SYNDIG1L: variants seen among roughly 807,000 people sequenced by gnomAD.
The protein encoded by SYNDIG1L is synapse differentiation-inducing gene protein 1-like.
SYNDIG1L carries 13 observed loss-of-function variants against 20.1 expected under a neutral mutation model. The ratio of observed to expected loss-of-function variants is 0.65; its 90% CI spans 0.42 to 1.03. The LOEUF (loss-of-function observed/expected upper bound fraction) is 1.03, where lower values mean the gene tolerates loss of function less well. SYNDIG1L is among the 50% of genes least tolerant of loss of function. The pLI is 0.00. For missense variants in SYNDIG1L, 294 were observed against 305.1 expected (o/e 0.96, Z 0.27); for synonymous variants, 128 against 129.3 (o/e 0.99, Z 0.07).
the SYNDIG1L span, among the ~76,000 whole-genome samples, chr14:74,464,539 A>G: frequency 6.6e-6 from 1 of 152,082 alleles, no homozygotes; most frequent in East Asian, 1.9e-4. Context: ...GCTCTGGGAG[A>G]CTGTACTACA....
the SYNDIG1L span, among the ~76,000 whole-genome samples, chr14:74,460,676 C>T: frequency 1.3e-4 from 20 of 152,350 alleles, no homozygotes; most frequent in African/African-American, 4.8e-4. Flanking sequence ...TGCTTCGGCT[C>T]CCAGGCTGGA....
the SYNDIG1L span, among the ~76,000 whole-genome samples, chr14:74,451,126 GA>G: frequency 1.3e-5 from 2 of 151,766 alleles, no homozygotes; most frequent in African/African-American, 4.8e-5. Flanking sequence ...AAACAACTTT[GA>G]AAAAAAGGAA....
rs1001316297 is a variant in SYNDIG1L at position 74,409,506 on chromosome 14, T to C, written c.239A>G (p.Lys80Arg). Residue 80 changes from lysine (K) to arginine (R), a missense_variant, in exon 2 of 4, where the codon AAG becomes AGG. Physicochemically the swap from Lys to Arg is conservative, Grantham distance 26. Coordinates refer to ENST00000331628, the MANE Select transcript of SYNDIG1L (RefSeq NM_001105579.2). Reference protein sequence around the residue: ...PSCLLGRDKVKEPRAGSCETS... With the variant: ...PSCLLGRDKVREPRAGSCETS... ...CTCACAGCTGCCTGCCCTGGGCTCC[T>C]TGACCTTGTCTCTCCCCAGGAGGCA... 1 of 1,609,778 alleles carries C rather than the reference T, an allele frequency of 6.2e-7. No individual in the cohort carries two copies. The highest frequency in any genetic ancestry group is 8.5e-7 in the Non-Finnish European group (1 of 1,178,168).
At chr14:74,449,438 C>CAAAAAAAAAA in the SYNDIG1L span, among the ~76,000 whole-genome samples, 294 of 34,020 alleles carry the variant, frequency 8.6e-3, 85 homozygotes, top group Non-Finnish European at 0.012. Flanking sequence ...CCTGTCTTTA[C>CAAAAAAAAAA]AAAAAAAAAA....
the SYNDIG1L span, among the ~76,000 whole-genome samples, chr14:74,444,274 G>T: frequency 6.6e-6 from 1 of 151,820 alleles, no homozygotes; most frequent in Non-Finnish European, 1.5e-5. Context: ...TGGCCAGGCT[G>T]GTCTCAAACT....
At chr14:74,440,243 C>T in the SYNDIG1L span, among the ~76,000 whole-genome samples, 3 of 151,306 alleles carry the variant, frequency 2.0e-5, no homozygotes, top group African/African-American at 2.4e-5. Flanking sequence ...AGGCCGGGCG[C>T]GGTGGCTCAC....
At chr14:74,427,989 G>C (rs1015622609), upstream of SYNDIG1L, among the ~76,000 whole-genome samples, 2 of 152,242 alleles carry the variant, frequency 1.3e-5, no homozygotes, top group African/African-American at 4.8e-5. Context: ...AAAAGCCAGT[G>C]AAGCAAAAGC....
At chr14:74,418,103 G>A (rs8007552) in intron 1 of SYNDIG1L, among the ~76,000 whole-genome samples, 81,641 of 152,058 alleles carry the variant, frequency 0.54, 22,306 homozygotes, top group African/African-American at 0.65. Flanking sequence ...GCGCTAGACC[G>A]TCTTCTAATC....
the SYNDIG1L span, among the ~76,000 whole-genome samples, chr14:74,455,285 G>A: frequency 3.3e-5 from 5 of 152,098 alleles, no homozygotes; most frequent in South Asian, 2.1e-4. Context: ...GACACCTTTC[G>A]TGTCCCTGCA....
chr14:74,455,326 C>T, the SYNDIG1L span, among the ~76,000 whole-genome samples: 2 of 152,134 alleles, frequency 1.3e-5, no homozygotes, highest in Non-Finnish European at 2.9e-5. Context: ...CCTCACCTGG[C>T]TCCACTCTCG....
At chr14:74,469,058 C>T in the SYNDIG1L span, among the ~76,000 whole-genome samples, 1 of 152,038 alleles carries the variant, frequency 6.6e-6, no homozygotes, top group Admixed American at 6.6e-5. Flanking sequence ...CACACTGGCT[C>T]CCCATGGTGA....
rs2086088762 is a variant in SYNDIG1L at position 74,407,086 on chromosome 14, A to T, written c.*449T>A. Reference sequence around the variant, plus strand: ...GGGAAGCTCAGGCTGTCCCCAGGTGAAGATCCCTGTGGGCTGAAAGGATTG... The same window carrying T: ...GGGAAGCTCAGGCTGTCCCCAGGTGTAGATCCCTGTGGGCTGAAAGGATTG... On this transcript the variant is annotated 3_prime_UTR_variant, in exon 4 of 4. Coordinates refer to ENST00000331628, the MANE Select transcript of SYNDIG1L (RefSeq NM_001105579.2). 1 of 177,378 alleles carries T rather than the reference A, an allele frequency of 5.6e-6. No individual in the cohort carries two copies. The highest frequency in any genetic ancestry group is 1.2e-4 in the South Asian group (1 of 8,248). The allele number at this position is 177,378 out of a possible 1,614,324, so 11.0% of individuals were successfully genotyped here. A position where few individuals can be genotyped will look rare whatever the true frequency, so the allele number is the denominator to read the frequency against.
chr14:74,434,189 T>C, the SYNDIG1L span, among the ~76,000 whole-genome samples: 671 of 152,368 alleles, frequency 4.4e-3, 7 homozygotes, highest in African/African-American at 0.016. Context: ...CCTGTTTTTG[T>C]ATTTTCTAAC....
intron 1 of SYNDIG1L, among the ~76,000 whole-genome samples, chr14:74,415,097 G>A (rs2086164374): frequency 6.6e-6 from 1 of 152,148 alleles, no homozygotes; most frequent in Admixed American, 6.5e-5. Flanking sequence ...ACCTGTTAAG[G>A]AGGAGGGCCC....
chr14:74,417,044 T>C lies in SYNDIG1L; in HGVS notation c.-57-7243A>G, dbSNP rs548633286. Reference sequence around the variant, plus strand: ...AGCTACCATTATTGGGTGCTTGTTTTGTTCTGAACGCCATGCCAAGTGCTT... The same window carrying C: ...AGCTACCATTATTGGGTGCTTGTTTCGTTCTGAACGCCATGCCAAGTGCTT... On this transcript the variant is annotated intron_variant, in intron 1 of 3. Transcript: ENST00000331628. Among the ~76,000 whole-genome samples, 8 of 152,348 alleles carry C rather than the reference T, an allele frequency of 5.3e-5. No homozygotes were observed. The South Asian group carries it at 1.7e-3, about 32-fold the overall frequency.
At chr14:74,433,625 T>A in the SYNDIG1L span, among the ~76,000 whole-genome samples, 4 of 152,194 alleles carry the variant, frequency 2.6e-5, no homozygotes, top group African/African-American at 9.6e-5. Context: ...ACTCAGGTGA[T>A]CCGCCCACCT....
At chr14:74,414,274 G>A (rs1444076040) in intron 1 of SYNDIG1L, among the ~76,000 whole-genome samples, 7 of 152,222 alleles carry the variant, frequency 4.6e-5, no homozygotes, top group African/African-American at 9.6e-5. Context: ...ATGCCTGTGT[G>A]TACTCTGCTC....
the SYNDIG1L span, among the ~76,000 whole-genome samples, chr14:74,436,227 ATTT>A: frequency 8.7e-5 from 12 of 138,374 alleles, no homozygotes; most frequent in African/African-American, 2.1e-4. Flanking sequence ...TACCCCACTC[ATTT>A]TTTTTTTTTT....
the SYNDIG1L span, among the ~76,000 whole-genome samples, chr14:74,456,222 G>T: frequency 6.6e-6 from 1 of 152,162 alleles, no homozygotes; most frequent in Non-Finnish European, 1.5e-5. Context: ...AGTGAAGGAG[G>T]TAGGTAGGTC....
Sources: allele counts gnomAD v4.1 joint callset (sites outside exome capture counted in the v4.1 genomes callset), GRCh38; gene constraint gnomAD v4.1.1; transcripts MANE v1.5; gene names NCBI Gene and HGNC (gene_info 2026-07-23, HGNC 2026-07-21).